The following ASXL3 variants were observed in gnomAD, a reference collection of about 807,000 sequenced individuals.
The protein encoded by ASXL3 is ASXL transcriptional regulator 3.
A neutral mutation model predicts 170.6 loss-of-function variants in ASXL3; 34 were observed. The observed-to-expected ratio is 0.20, with a 90% CI of 0.15 to 0.27. The LOEUF (loss-of-function observed/expected upper bound fraction) is 0.27. Among genes scored for constraint, ASXL3 ranks in the 10% least tolerant of loss-of-function variants. The pLI is 1.00. For missense variants in ASXL3, 2,592 were observed against 2,695.3 expected (o/e 0.96, Z 0.85); for synonymous variants, 1,002 against 989.1 (o/e 1.01, Z -0.24).
At position 33,743,008 on chromosome 18, in the gene ASXL3, C is replaced by G; in HGVS notation, c.3160C>G (p.Leu1054Val). The G allele has an allele frequency of 6.2e-7, 1 of 1,613,858 alleles. No individual in the cohort carries two copies. The highest frequency in any genetic ancestry group is 8.5e-7 in the Non-Finnish European group (1 of 1,179,818). ...CGGGAGGAACACAGGAGCCAGGACC[C>G]TCGCAGATATCAAGGCCCGGGCCCA... ...SGGRNTGART[L>V]ADIKARAQQA... is the part of the protein sequence containing the mutation. The change falls in exon 12 of 12, where the codon CTC becomes GTC. Residue 1054 changes from leucine to valine, a missense_variant. By Grantham distance (32) the Leu-to-Val change is conservative. Around this residue, in one of 4 missense-constraint regions of ASXL3, gnomAD observed 2,246 missense variants for 2,219.6 expected, o/e 1.01. Coordinates refer to ENST00000269197, the MANE Select transcript of ASXL3 (RefSeq NM_030632.3).
At chr18:33,634,830 G>A (rs2065740081) in intron 2 of ASXL3, among the ~76,000 whole-genome samples, 1 of 152,186 alleles carries the variant, frequency 6.6e-6, no homozygotes, top group East Asian at 1.9e-4. Context: ...AACCTGGCAA[G>A]GCGCTATGAG....
chr18:33,616,848 A>G (rs532837711), intron 2 of ASXL3: 3 of 152,202 alleles, frequency 2.0e-5, no homozygotes, highest in East Asian at 3.9e-4. Flanking sequence ...TTATAAGGAC[A>G]CCAATCCTAT....
intron 7 of ASXL3, among the ~76,000 whole-genome samples, chr18:33,680,429 C>G (rs753883479): frequency 3.9e-5 from 6 of 151,990 alleles, no homozygotes; most frequent in Admixed American, 3.9e-4. Context: ...CATGCTTTCT[C>G]TAATGGTTCA....
At position 33,744,120 on chromosome 18, in the gene ASXL3, C is replaced by A. The variant is rs775057703; in HGVS notation, c.4272C>A (p.Asn1424Lys). The part of the protein sequence containing the change: ...AMFTGNMLTI[N>K]SYDSPPKLSA... ...TTACTGGAAACATGCTGACAATAAA[C>A]TCTTATGATAGTCCTCCCAAGTTAA... is the stretch of plus-strand genomic sequence containing the variant. Residue 1424 changes from asparagine to lysine, a missense_variant, in exon 12 of 12, where the codon AAC (asparagine) becomes AAA (lysine). Around this residue, in one of 4 missense-constraint regions of ASXL3, gnomAD observed 2,246 missense variants for 2,219.6 expected, o/e 1.01. Transcript: ENST00000269197. 1.2e-6 allele frequency: 2 copies of A among 1,614,040 alleles called. No individual in the cohort carries two copies. The highest frequency in any genetic ancestry group is 1.7e-6 in the Non-Finnish European group (2 of 1,179,908).
chr18:33,607,596 A>G lies in ASXL3; in HGVS notation c.57A>G (p.Ala19=). The G allele has an allele frequency of 1.3e-6, 2 of 1,580,898 alleles. No individual in the cohort carries two copies. Among genetic ancestry groups the G allele is most frequent in the Non-Finnish European group, 1.7e-6 (2 of 1,161,982 alleles). ...GGAATCTTATGTTTATATTTTAGGC[A>G]CTAGAAAAACACCCCAACTCACCAA... ...DRTWAEAARL[A]LEKHPNSPMT... The change falls in exon 2 of 12, where the codon GCA becomes GCG. Residue 19 remains alanine, a splice_region_variant and synonymous_variant. Coordinates refer to ENST00000269197, the MANE Select transcript of ASXL3 (RefSeq NM_030632.3).
intron 1 of ASXL3, among the ~76,000 whole-genome samples, chr18:33,579,981 T>C (rs2064978749): frequency 6.6e-6 from 1 of 152,222 alleles, no homozygotes; most frequent in South Asian, 2.1e-4. Flanking sequence ...CTTGCTCTGG[T>C]ATGTATCTGG....
chr18:33,732,967 C>T (rs750094374), intron 9 of ASXL3, among the ~76,000 whole-genome samples: 9 of 151,904 alleles, frequency 5.9e-5, no homozygotes, highest in African/African-American at 1.5e-4. Flanking sequence ...TCACCCCATC[C>T]GACTTGAAAC....
At chr18:33,673,886 C>A (rs1037652912) in intron 7 of ASXL3, among the ~76,000 whole-genome samples, 1 of 152,118 alleles carries the variant, frequency 6.6e-6, no homozygotes, top group Non-Finnish European at 1.5e-5. Flanking sequence ...AATGAAAGAG[C>A]GCCCCCAATC....
chr18:33,585,749 A>T (rs2065029463), intron 1 of ASXL3, among the ~76,000 whole-genome samples: 1 of 152,218 alleles, frequency 6.6e-6, no homozygotes, highest in African/African-American at 2.4e-5. Flanking sequence ...TTAGAATCTG[A>T]GGAATTCTCC....
At chr18:33,697,765 A>G (rs2066795912) in intron 8 of ASXL3, among the ~76,000 whole-genome samples, 1 of 152,020 alleles carries the variant, frequency 6.6e-6, no homozygotes, top group Non-Finnish European at 1.5e-5. Flanking sequence ...GCACTTTGAG[A>G]GGCCAAGGGG....
chr18:33,710,108 T>C (rs1031220284), intron 8 of ASXL3, among the ~76,000 whole-genome samples: 1 of 151,942 alleles, frequency 6.6e-6, no homozygotes, highest in Non-Finnish European at 1.5e-5. Flanking sequence ...ATACAAAAAT[T>C]AGTCAGGCGT....
intron 8 of ASXL3, among the ~76,000 whole-genome samples, chr18:33,692,275 G>A (rs955391529): frequency 6.6e-6 from 1 of 152,154 alleles, no homozygotes; most frequent in African/African-American, 2.4e-5. Flanking sequence ...CAGGACATAC[G>A]TATAATTATG....
At chr18:33,731,036 T>C in intron 8 of ASXL3, among the ~76,000 whole-genome samples, 1 of 152,192 alleles carries the variant, frequency 6.6e-6, no homozygotes, top group South Asian at 2.1e-4. Flanking sequence ...CTGGCTTTGA[T>C]TAGACATTAT....
chr18:33,652,348 C>T (rs1024283350), intron 4 of ASXL3, among the ~76,000 whole-genome samples: 6 of 151,942 alleles, frequency 3.9e-5, no homozygotes, highest in African/African-American at 1.4e-4. Flanking sequence ...ACAGTCTTCG[C>T]TCTCTTCATC....
rs2066346782 is a variant in ASXL3 at position 33,671,805 on chromosome 18, A to G, written c.654A>G (p.Gln218=). The G allele has an allele frequency of 6.2e-7, 1 of 1,611,690 alleles. No homozygotes were observed. The highest frequency in any genetic ancestry group is 1.3e-5 in the African/African-American group (1 of 74,902). ...DSSDKEMKHG[Q]KSPTGKQTSQ... ...CAGATAAAGAAATGAAACATGGGCA[A>G]AAATCTCCCACTGGAAAACAAACAA... The change falls in exon 7 of 12, where the codon CAA becomes CAG. Residue 218 remains glutamine (Q), a synonymous_variant. Coordinates refer to ENST00000269197, the MANE Select transcript of ASXL3 (RefSeq NM_030632.3).
intron 7 of ASXL3, among the ~76,000 whole-genome samples, chr18:33,682,336 A>G (rs868424404): frequency 1.3e-5 from 2 of 152,192 alleles, no homozygotes; most frequent in South Asian, 2.1e-4. Flanking sequence ...ATCACATTCA[A>G]GTCATTATCG....
chr18:33,686,821 G>A (rs138359570), intron 8 of ASXL3, among the ~76,000 whole-genome samples: 295 of 152,274 alleles, frequency 1.9e-3, no homozygotes, highest in Middle Eastern at 3.4e-3. Context: ...ACATGTTTTC[G>A]TGCCTGGGCA....
At chr18:33,691,092 T>G (rs1409187773) in intron 8 of ASXL3, among the ~76,000 whole-genome samples, 1 of 152,202 alleles carries the variant, frequency 6.6e-6, no homozygotes, top group African/African-American at 2.4e-5. Context: ...GAGAAGGCTG[T>G]CTGGATTCTG....
At chr18:33,674,221 A>G (rs942847994) in intron 7 of ASXL3, among the ~76,000 whole-genome samples, 5 of 152,170 alleles carry the variant, frequency 3.3e-5, no homozygotes, top group Non-Finnish European at 7.4e-5. Context: ...CATCTAACCT[A>G]TATTTTAGAC....
Sources: allele counts gnomAD v4.1 joint callset (sites outside exome capture counted in the v4.1 genomes callset), GRCh38; gene constraint gnomAD v4.1.1; regional missense constraint gnomAD v4.1.1; transcripts MANE v1.5; gene names NCBI Gene and HGNC (gene_info 2026-07-23, HGNC 2026-07-21).